The following GNB5 variants were observed in gnomAD, a reference collection of about 807,000 sequenced individuals.
GNB5 encodes the protein G protein subunit beta 5, also known as guanine nucleotide-binding protein subunit beta-5.
A neutral mutation model predicts 55.3 loss-of-function variants in GNB5; 37 were observed. The ratio of observed to expected loss-of-function variants is 0.67; its 90% confidence interval spans 0.51 to 0.88. The LOEUF (loss-of-function observed/expected upper bound fraction) is 0.88. GNB5 is among the 40% of genes least tolerant of loss of function. The pLI, the probability that GNB5 is intolerant of heterozygous loss-of-function variation, is 0.00. For missense variants in GNB5, 476 were observed against 515.3 expected, an observed-to-expected ratio of 0.92 and a Z score of 0.74; for synonymous variants, 219 against 198.5, an observed-to-expected ratio of 1.10 and a Z score of -0.87.
rs1451249904 is a variant in GNB5 at position 52,122,610 on chromosome 15, T to G, written c.*147A>C. The G allele has an allele frequency of 1.4e-6, 1 of 692,544 alleles. No homozygotes were observed. The highest frequency in any genetic ancestry group is 1.8e-5 in the African/African-American group (1 of 56,494). 42.9% of individuals were successfully genotyped at this position (692,544 alleles called of 1,614,324 possible). On this transcript the variant is annotated 3_prime_UTR_variant, in exon 13 of 13. Coordinates refer to ENST00000261837, the MANE Select transcript of GNB5 (RefSeq NM_016194.4). ...CCAGAGGTGACAGTTTTAATAGTCA[T>G]ATTGGAGACGCTTAGTGACCTGTGA...
Position 52,116,415 on chromosome 15 carries a change from G to A in GNB5, c.*6342C>T, listed in dbSNP as rs1254490114. The A allele has an allele frequency of 2.6e-5, 4 of 152,106 alleles. No homozygotes were observed. The highest frequency in any genetic ancestry group is 6.6e-5 in the Admixed American group (1 of 15,264). The allele number at this position is 152,106 out of a possible 1,614,324, so 9.4% of individuals were successfully genotyped here. ...TCCTGATCCCATCTCCTTACTAGAG[G>A]GTCTGCATCTTTTTTTCTGGTCCTA... On this transcript the variant is annotated 3_prime_UTR_variant, in exon 13 of 13. Transcript: ENST00000261837.
Position 52,135,655 on chromosome 15 carries a change from C to G in GNB5, c.729G>C (p.Leu243Phe). ...FHGHGADVLC[L>F]DLAPSETGNT... ...TTCCAGTTTCTGAGGGGGCCAGGTC[C>G]AAGCAGAGGACGTCAGCCCCATGTC... is the stretch of plus-strand genomic sequence containing the variant. The change falls in exon 8 of 13, where the codon TTG (leucine) becomes TTC (phenylalanine). Residue 243 changes from leucine to phenylalanine, a missense_variant. Leu to Phe is a conservative substitution (Grantham distance 22). Coordinates refer to ENST00000261837, the MANE Select transcript of GNB5 (RefSeq NM_016194.4). 6.2e-7 allele frequency: 1 copy of G among 1,613,740 alleles called. No individual in the cohort carries two copies. Among genetic ancestry groups the G allele is most frequent in the Non-Finnish European group, 8.5e-7 (1 of 1,179,870 alleles).
intron 1 of GNB5, among the ~76,000 whole-genome samples, chr15:52,185,543 G>A (rs562577699): frequency 6.6e-6 from 1 of 152,280 alleles, no homozygotes; most frequent in Admixed American, 6.5e-5. Context: ...GACATGGGTA[G>A]GGGCAGGGTG....
In GNB5 at chr15:52,149,639, G is replaced by C. The variant is rs1022638452; in HGVS notation, c.417+245C>G. The C allele has an allele frequency of 6.5e-5, 39 of 597,188 alleles. No homozygotes were observed. In the East Asian group the frequency reaches 1.1e-3, roughly 16 times the overall value. The allele number at this position is 597,188 out of a possible 1,614,324, so 37.0% of individuals were successfully genotyped here. ...TCCATGCTTTGCCCATTTCCATGTT[G>C]GTATTGGCAGCCCCTATGGTGGCTC... On this transcript the variant is annotated intron_variant, in intron 5 of 12. Transcript: ENST00000261837.
At chr15:52,179,537 G>A (rs917253119) in intron 3 of GNB5, among the ~76,000 whole-genome samples, 1 of 151,804 alleles carries the variant, frequency 6.6e-6, no homozygotes, top group East Asian at 2.0e-4. Flanking sequence ...TGGCGGCGGG[G>A]GTCGGCCAGG....
At chr15:52,168,136 G>A (rs2034486046) in intron 3 of GNB5, among the ~76,000 whole-genome samples, 1 of 152,188 alleles carries the variant, frequency 6.6e-6, no homozygotes, top group Admixed American at 6.5e-5. Context: ...ATATAGTACT[G>A]GAAGTTCTGG....
chr15:52,159,951 CTTT>C (rs1194780716), intron 3 of GNB5, among the ~76,000 whole-genome samples: 3 of 142,468 alleles, frequency 2.1e-5, no homozygotes, highest in African/African-American at 2.6e-5. Context: ...AAATTAGCTT[CTTT>C]TTTTTTTTTT....
intron 1 of GNB5, among the ~76,000 whole-genome samples, chr15:52,185,811 C>T (rs924319629): frequency 6.7e-6 from 1 of 148,814 alleles, no homozygotes; most frequent in Non-Finnish European, 1.5e-5. Context: ...GACAGTATCT[C>T]TCTGTCTCCC....
At chr15:52,138,011 C>A in intron 7 of GNB5, 3 of 1,216,726 alleles carry the variant, frequency 2.5e-6, no homozygotes, top group South Asian at 2.5e-5. Context: ...CTGACCACAC[C>A]ACACCTTCAA....
intron 1 of GNB5, among the ~76,000 whole-genome samples, chr15:52,188,492 G>A (rs12594809): frequency 0.24 from 36,231 of 152,058 alleles, 4,793 homozygotes; most frequent in Admixed American, 0.34. Context: ...TTACATTTCT[G>A]TATCTTGATG....
rs144571868 is a variant in GNB5 at position 52,145,801 on chromosome 15, G to A, written c.494+1658C>T. Among the ~76,000 whole-genome samples, 213 of 152,198 alleles carry A rather than the reference G, an allele frequency of 1.4e-3. 1 individual carries two copies. The highest frequency in any genetic ancestry group is 5.1e-3 in the African/African-American group (210 of 41,534). On this transcript the variant is annotated intron_variant, in intron 6 of 12. Coordinates refer to ENST00000261837, the MANE Select transcript of GNB5 (RefSeq NM_016194.4). ...TGGTTGGTGTGACTGGCTGGAGAGG[G>A]CTCCAAAGCATTTGCCTGGGGACTC...
chr15:52,143,021 G>T (rs1388202697), intron 6 of GNB5, among the ~76,000 whole-genome samples: 1 of 152,064 alleles, frequency 6.6e-6, no homozygotes, highest in African/African-American at 2.4e-5. Flanking sequence ...TGGGCAAGGT[G>T]GCAGGTGCCT....
chr15:52,166,789 C>CA (rs1454196113), intron 3 of GNB5, among the ~76,000 whole-genome samples: 18 of 151,714 alleles, frequency 1.2e-4, no homozygotes, highest in African/African-American at 4.4e-4. Context: ...GAACCAAGAG[C>CA]AAAAAACCCC....
At position 52,118,109 on chromosome 15, in the gene GNB5, G is replaced by C. The variant is rs868505671; in HGVS notation, c.*4648C>G. The C allele has an allele frequency of 6.6e-6, 1 of 152,528 alleles. No individual in the cohort carries two copies. The highest frequency in any genetic ancestry group is 1.9e-4 in the East Asian group (1 of 5,182). The allele number at this position is 152,528 out of a possible 1,614,324, so 9.4% of individuals were successfully genotyped here. A position where few individuals can be genotyped will look rare whatever the true frequency, so the allele number is the denominator to read the frequency against. On this transcript the variant is annotated 3_prime_UTR_variant, in exon 13 of 13. Coordinates refer to ENST00000261837, the MANE Select transcript of GNB5 (RefSeq NM_016194.4). ...CTCTCTGGGACTTCCTCCACCGACCGGGGCTGTCCCAAAGCCTCCTCTGAA... is the reference window on the plus strand; with the variant it reads ...CTCTCTGGGACTTCCTCCACCGACCCGGGCTGTCCCAAAGCCTCCTCTGAA...
Position 52,136,172 on chromosome 15 carries a change from A to ACACACACACACACACACACACACACACC in GNB5, c.628-417_628-416insGGTGTGTGTGTGTGTGTGTGTGTGTGTG, listed in dbSNP as rs1168734914. Among the ~76,000 whole-genome samples, 2 of 100,050 alleles carry ACACACACACACACACACACACACACACC rather than the reference A, an allele frequency of 2.0e-5. 1 individual carries two copies. The highest frequency in any genetic ancestry group is 8.8e-5 in the African/African-American group (2 of 22,726). 65.6% of individuals were successfully genotyped at this position (100,050 alleles called of 152,430 possible). A position where few individuals can be genotyped will look rare whatever the true frequency, so the allele number is the denominator to read the frequency against. On this transcript the variant is annotated intron_variant, in intron 7 of 12. Coordinates refer to ENST00000261837, the MANE Select transcript of GNB5 (RefSeq NM_016194.4). ...CACACACACACACACACACACACAC[A>ACACACACACACACACACACACACACACC]CCCTACCTGCTGTATCTGGGTTCAT...
rs2033371782 is a variant in GNB5 at position 52,124,602 on chromosome 15, G to A, written c.1047C>T (p.Ile349=). 2 of 1,614,042 alleles carry A rather than the reference G, an allele frequency of 1.2e-6. No individual in the cohort carries two copies. The highest frequency in any genetic ancestry group is 8.5e-7 in the Non-Finnish European group (1 of 1,179,864). ...LLFAGYNDYT[I]NVWDVLKGSR... Reference sequence around the variant, plus strand: ...ACCCTTTGAGAACATCCCAGACGTTGATAGTGTAATCATTGTATCCAGCAA... The same window carrying A: ...ACCCTTTGAGAACATCCCAGACGTTAATAGTGTAATCATTGTATCCAGCAA... The change falls in exon 12 of 13, where the codon ATC becomes ATT. Residue 349 remains isoleucine, a synonymous_variant. Transcript: ENST00000261837.
At chr15:52,167,657 G>A (rs2034476706) in intron 3 of GNB5, among the ~76,000 whole-genome samples, 1 of 149,854 alleles carries the variant, frequency 6.7e-6, no homozygotes, top group Non-Finnish European at 1.5e-5. Context: ...GGCAACAGGA[G>A]CAAGACTCCA....
At chr15:52,145,505 C>T (rs980355303) in intron 6 of GNB5, among the ~76,000 whole-genome samples, 2 of 151,672 alleles carry the variant, frequency 1.3e-5, no homozygotes, top group South Asian at 2.1e-4. Context: ...ATTAGCCAGA[C>T]GTGGTGGTGC....
chr15:52,118,309 C>T lies in GNB5; in HGVS notation c.*4448G>A, dbSNP rs1488915726. ...CCAGGGCCCCCGAGGGTCCCTGAGA[C>T]CCTTTCAGGGGGTCCTCACGGTCAA... On this transcript the variant is annotated 3_prime_UTR_variant, in exon 13 of 13. Transcript: ENST00000261837. 1 of 152,140 alleles carries T rather than the reference C, an allele frequency of 6.6e-6. No individual in the cohort carries two copies. Among genetic ancestry groups the T allele is most frequent in the Non-Finnish European group, 1.5e-5 (1 of 68,038 alleles). The allele number at this position is 152,140 out of a possible 1,614,324, so 9.4% of individuals were successfully genotyped here.
Sources: gnomAD v4.1 joint callset for allele counts (sites outside exome capture counted in the v4.1 genomes callset) on GRCh38, gnomAD v4.1.1 for gene constraint, MANE v1.5 for transcripts, NCBI Gene and HGNC (gene_info 2026-07-23, HGNC 2026-07-21) for gene names.